SH2D4B: variants seen among roughly 807,000 people sequenced by gnomAD.
SH2D4B encodes the protein SH2 domain-containing protein 4B.
Under a neutral mutation model 61.5 loss-of-function variants are expected in SH2D4B, and 45 were observed. That is an observed-to-expected ratio of 0.73 (90% confidence interval 0.58 to 0.94). The LOEUF (loss-of-function observed/expected upper bound fraction) is 0.94. SH2D4B is among the 40% of genes least tolerant of loss of function. The pLI is 0.00. For missense variants in SH2D4B, 572 were observed against 574.2 expected, an observed-to-expected ratio of 1.00 and a Z score of 0.04; for synonymous variants, 224 against 220.4, an observed-to-expected ratio of 1.02 and a Z score of -0.14.
chr10:80,579,751 A>G lies in SH2D4B; in HGVS notation c.495+8173A>G, dbSNP rs184353252. 7.9e-5 allele frequency among the ~76,000 whole-genome samples: 12 copies of G among 151,936 alleles called. 1 individual carries two copies. The East Asian group carries it at 2.3e-3, about 29-fold the overall frequency. The stretch of plus-strand genomic sequence containing the variant: ...CCTTTTGGCCACCTAATGAACTCCT[A>G]TACAACTTTAGAAACGATTACTGCT... On this transcript the variant is annotated intron_variant, in intron 3 of 7. Coordinates refer to ENST00000646907, the MANE Select transcript of SH2D4B (RefSeq NM_001388272.1).
chr10:80,539,420 TCTC>T lies in SH2D4B; in HGVS notation c.184+907_184+909del, dbSNP rs1169439868. ...ACAGCTCCCTTGGTGATCTGGCTCT[TCTC>T]CATGCCAGGCTCACTGCTGGCCAGT... is the stretch of plus-strand genomic sequence containing the variant. On this transcript the variant is annotated intron_variant, in intron 1 of 7. Coordinates refer to ENST00000646907, the MANE Select transcript of SH2D4B (RefSeq NM_001388272.1). This position sits in a 1 kb window ranked among gnomAD's most constrained non-coding sequence, Gnocchi z 4.9. Among the ~76,000 whole-genome samples the T allele has an allele frequency of 6.6e-6, 1 of 152,208 alleles. No homozygotes were observed. Among genetic ancestry groups the T allele is most frequent in the African/African-American group, 2.4e-5 (1 of 41,460 alleles).
intron 1 of SH2D4B, among the ~76,000 whole-genome samples, chr10:80,568,675 C>A (rs559184094): frequency 6.6e-6 from 1 of 152,316 alleles, no homozygotes; most frequent in African/African-American, 2.4e-5. Flanking sequence ...CCATCTCTTG[C>A]AATGTCGGTC....
chr10:80,540,769 G>A, intron 1 of SH2D4B: 1 of 1,508,224 alleles, frequency 6.6e-7, no homozygotes, highest in Non-Finnish European at 8.9e-7. Flanking sequence ...GTGGGTAGAT[G>A]GATCATAGGG....
At chr10:80,610,089 C>T (rs1318745412) in intron 6 of SH2D4B, among the ~76,000 whole-genome samples, 2 of 152,188 alleles carry the variant, frequency 1.3e-5, no homozygotes. Flanking sequence ...ACAAGCCATC[C>T]TCTTTCCCAT....
intron 5 of SH2D4B, among the ~76,000 whole-genome samples, chr10:80,608,169 T>C (rs1000458839): frequency 6.6e-6 from 1 of 152,076 alleles, no homozygotes; most frequent in Admixed American, 6.6e-5. Flanking sequence ...CTCAATTTGC[T>C]CTGGAAATGG....
chr10:80,620,824 C>T (rs1213242117), intron 6 of SH2D4B, among the ~76,000 whole-genome samples: 1 of 152,178 alleles, frequency 6.6e-6, no homozygotes, highest in Non-Finnish European at 1.5e-5. Flanking sequence ...GCCAGGATTC[C>T]ATAAATGCTA....
At chr10:80,606,823 T>C (rs1842525340) in intron 5 of SH2D4B, among the ~76,000 whole-genome samples, 1 of 152,242 alleles carries the variant, frequency 6.6e-6, no homozygotes, top group Non-Finnish European at 1.5e-5. Flanking sequence ...CCAGTATCTA[T>C]ACTAAGGAAA....
At chr10:80,616,878 A>T (rs932108027) in intron 6 of SH2D4B, among the ~76,000 whole-genome samples, 1 of 152,248 alleles carries the variant, frequency 6.6e-6, no homozygotes, top group Non-Finnish European at 1.5e-5. Flanking sequence ...GCCATTACGT[A>T]CATAGTGCTT....
At chr10:80,608,330 G>A (rs1271431936) in intron 5 of SH2D4B, among the ~76,000 whole-genome samples, 1 of 152,056 alleles carries the variant, frequency 6.6e-6, no homozygotes, top group African/African-American at 2.4e-5. Flanking sequence ...GAGTTTAGAT[G>A]AGGGAGCAGA....
Position 80,538,479 on chromosome 10 carries a change from C to G in SH2D4B, c.148C>G (p.Gln50Glu). The G allele has an allele frequency of 6.9e-7, 1 of 1,455,098 alleles. No homozygotes were observed. The highest frequency in any genetic ancestry group is 9.1e-7 in the Non-Finnish European group (1 of 1,103,454). The allele number at this position is 1,455,098 out of a possible 1,614,324, so 90.1% of individuals were successfully genotyped here. A position where few individuals can be genotyped will look rare whatever the true frequency, so the allele number is the denominator to read the frequency against. ...GCGGGAGACTTGGGAGGCCCTGGCCCAGGACGAGGGTCTCAGGCCTCCAAA... is the reference window on the plus strand; with the variant it reads ...GCGGGAGACTTGGGAGGCCCTGGCCGAGGACGAGGGTCTCAGGCCTCCAAA... The part of the protein sequence containing the change: ...KERETWEALA[Q>E]DEGLRPPKTK... Residue 50 changes from glutamine (Q) to glutamate (E), a missense_variant, in exon 1 of 8, where the codon CAG becomes GAG. Coordinates refer to ENST00000646907, the MANE Select transcript of SH2D4B (RefSeq NM_001388272.1). The surrounding 1 kb of genome is among the most constrained non-coding windows in gnomAD (Gnocchi z 4.8).
chr10:80,583,585 G>A (rs943117512), intron 3 of SH2D4B, among the ~76,000 whole-genome samples: 1 of 152,048 alleles, frequency 6.6e-6, no homozygotes, highest in Non-Finnish European at 1.5e-5. Context: ...CATGAAAATT[G>A]CTTGAACCTG....
intron 6 of SH2D4B, among the ~76,000 whole-genome samples, chr10:80,631,065 A>G (rs1363053119): frequency 6.6e-6 from 1 of 152,248 alleles, no homozygotes; most frequent in Non-Finnish European, 1.5e-5. Context: ...GACCCCTTGC[A>G]CATTCTCTTA....
intron 6 of SH2D4B, among the ~76,000 whole-genome samples, chr10:80,612,182 CTT>C (rs796771295): frequency 1.6e-4 from 10 of 62,954 alleles, no homozygotes; most frequent in South Asian, 1.1e-3. Flanking sequence ...CCCACTCCTG[CTT>C]TTTTTTTTTT....
intron 4 of SH2D4B, among the ~76,000 whole-genome samples, chr10:80,596,840 T>C (rs1043900263): frequency 6.6e-6 from 1 of 152,210 alleles, no homozygotes; most frequent in African/African-American, 2.4e-5. Flanking sequence ...TGCTTCCTCC[T>C]GCCGCTTGGG....
At chr10:80,611,751 G>A (rs867200159) in intron 6 of SH2D4B, among the ~76,000 whole-genome samples, 10 of 151,952 alleles carry the variant, frequency 6.6e-5, no homozygotes, top group Admixed American at 2.0e-4. Flanking sequence ...CGACCAAGGT[G>A]CTCAAATTAT....
chr10:80,540,543 T>C (rs1377752657), intron 1 of SH2D4B, among the ~76,000 whole-genome samples: 3 of 152,188 alleles, frequency 2.0e-5, no homozygotes, highest in Non-Finnish European at 4.4e-5. Context: ...AGTGATGCGC[T>C]ACATCCAAGG....
At chr10:80,600,253 G>A (rs1442953733) in intron 4 of SH2D4B, among the ~76,000 whole-genome samples, 1 of 152,176 alleles carries the variant, frequency 6.6e-6, no homozygotes, top group Non-Finnish European at 1.5e-5. Flanking sequence ...CATATTATAG[G>A]ATGGTTCATT....
intron 1 of SH2D4B, among the ~76,000 whole-genome samples, chr10:80,548,939 G>T (rs1841718784): frequency 6.6e-6 from 1 of 152,182 alleles, no homozygotes; most frequent in Non-Finnish European, 1.5e-5. Context: ...GGATATATTG[G>T]AGGAAATTCA....
chr10:80,559,865 G>A (rs1841881677), intron 1 of SH2D4B, among the ~76,000 whole-genome samples: 1 of 151,272 alleles, frequency 6.6e-6, no homozygotes, highest in Non-Finnish European at 1.5e-5. Context: ...TCAAACTCCT[G>A]GGCTCAAGTG....
Sources: gnomAD v4.1 joint callset for allele counts (sites outside exome capture counted in the v4.1 genomes callset) on GRCh38, gnomAD v4.1.1 for gene constraint, Gnocchi (gnomAD v3.1) non-coding constraint, MANE v1.5 for transcripts, NCBI Gene and HGNC (gene_info 2026-07-23, HGNC 2026-07-21) for gene names.